Variants in LRRIQ1 observed in about 807,000 individuals in gnomAD.
The protein encoded by LRRIQ1 is leucine-rich repeat- and IQ domain-containing protein 1.
A neutral mutation model predicts 211.9 loss-of-function variants in LRRIQ1; 210 were observed. That is an observed-to-expected ratio of 0.99 (90% confidence interval 0.89 to 1.11). The LOEUF is 1.11. Ranked by LOEUF, LRRIQ1 falls within the 50% of genes most tolerant of loss-of-function variation. The pLI, the probability that LRRIQ1 is intolerant of heterozygous loss-of-function variation, is 0.00. For missense variants in LRRIQ1, 2,136 were observed against 1,939.5 expected, an observed-to-expected ratio of 1.10 and a Z score of -1.90; for synonymous variants, 699 against 650.1, an observed-to-expected ratio of 1.08 and a Z score of -1.14.
chr12:85,152,257 A>G lies in LRRIQ1; in HGVS notation c.4330-23A>G, dbSNP rs374536211. 6.2e-5 allele frequency: 98 copies of G among 1,579,638 alleles called. No homozygotes were observed. The African/African-American group carries it at 1.1e-3, about 18-fold the overall frequency. On this transcript the variant is annotated intron_variant, in intron 19 of 26. Coordinates refer to ENST00000393217, the MANE Select transcript of LRRIQ1 (RefSeq NM_001079910.2). The stretch of plus-strand genomic sequence containing the variant: ...AAAAGTTATGTAAGCTAAATTACAT[A>G]CATTTTAATATTATTTGTGCAGGCT...
At chr12:85,060,757 A>T (rs1881699625) in intron 8 of LRRIQ1, among the ~76,000 whole-genome samples, 1 of 151,946 alleles carries the variant, frequency 6.6e-6, no homozygotes. Flanking sequence ...TAAAAAAAAA[A>T]TAAAATAGAC....
At chr12:85,165,679 T>C (rs1891122770) in intron 24 of LRRIQ1, among the ~76,000 whole-genome samples, 1 of 152,080 alleles carries the variant, frequency 6.6e-6, no homozygotes. Flanking sequence ...TTCACCGTGT[T>C]GCCCAGGTTG....
intron 1 of LRRIQ1, chr12:85,262,907 C>A: frequency 1.0e-6 from 1 of 976,070 alleles, no homozygotes; most frequent in Non-Finnish European, 1.2e-6. Flanking sequence ...TTTAATATCA[C>A]TGTCTAGGTT....
chr12:85,073,359 T>C (rs1032170318), intron 11 of LRRIQ1, among the ~76,000 whole-genome samples: 1 of 152,066 alleles, frequency 6.6e-6, no homozygotes, highest in African/African-American at 2.4e-5. Flanking sequence ...TTCTTCCATA[T>C]GGAAATGCTG....
chr12:85,159,853 C>T (rs1301107820), intron 23 of LRRIQ1, among the ~76,000 whole-genome samples: 1 of 151,556 alleles, frequency 6.6e-6, no homozygotes, highest in African/African-American at 2.4e-5. Context: ...ATATTGAATT[C>T]ATAAGAAACA....
intron 19 of LRRIQ1, among the ~76,000 whole-genome samples, chr12:85,142,146 TC>T (rs1889587468): frequency 6.6e-6 from 1 of 151,552 alleles, no homozygotes; most frequent in Non-Finnish European, 1.5e-5. Flanking sequence ...CTTCCATAGT[TC>T]CTGTTGAAAA....
rs1183608809 is a variant in LRRIQ1 at position 85,055,747 on chromosome 12, A to C, written c.954A>C (p.Ala318=). The change falls in exon 8 of 27, where the codon GCA becomes GCC. Residue 318 remains alanine (A), a synonymous_variant. Coordinates refer to ENST00000393217, the MANE Select transcript of LRRIQ1 (RefSeq NM_001079910.2). ...AAATTGAAAGTAAGAAAAGGAAAGC[A>C]CAAGAGTGGAAGGAAAAGGAAGCAA... ...KEQIESKKRK[A]QEWKEKEAKI... is the part of the protein sequence containing the mutation. The C allele has an allele frequency of 6.2e-7, 1 of 1,610,624 alleles. No homozygotes were observed. The highest frequency in any genetic ancestry group is 2.2e-5 in the East Asian group (1 of 44,712).
intron 1 of LRRIQ1, among the ~76,000 whole-genome samples, chr12:85,251,777 C>CCA (rs1895950703): frequency 8.6e-6 from 1 of 116,932 alleles, no homozygotes; most frequent in African/African-American, 2.7e-5. Flanking sequence ...AGAAGTGGCG[C>CCA]AAAAAAAAAA....
Position 85,186,205 on chromosome 12 carries a change from A to G in LRRIQ1, c.4822+25491A>G, listed in dbSNP as rs189326067. On this transcript the variant is annotated intron_variant, in intron 24 of 26. Transcript: ENST00000393217. ...AGAAAGTTATAGTTATAAGATTAAA[A>G]ACTGTCAGGGATTAAGACTAGAATT... is the stretch of plus-strand genomic sequence containing the variant. 1.8e-4 allele frequency among the ~76,000 whole-genome samples: 27 copies of G among 152,294 alleles called. No homozygotes were observed. The East Asian group carries it at 5.0e-3, about 28-fold the overall frequency.
At chr12:85,195,411 T>C (rs982569572) in intron 24 of LRRIQ1, among the ~76,000 whole-genome samples, 40 of 151,768 alleles carry the variant, frequency 2.6e-4, no homozygotes, top group South Asian at 6.2e-4. Flanking sequence ...TGAACATTGA[T>C]GCAAAAATCC....
At chr12:85,132,251 A>G (rs1361519056) in intron 18 of LRRIQ1, among the ~76,000 whole-genome samples, 1 of 151,910 alleles carries the variant, frequency 6.6e-6, no homozygotes, top group Non-Finnish European at 1.5e-5. Flanking sequence ...AAAAGGGAGG[A>G]AGGTAGGTAA....
In LRRIQ1 at chr12:85,062,152, A is replaced by G. The variant is rs180993102; in HGVS notation, c.2392-3110A>G. The stretch of plus-strand genomic sequence containing the variant: ...CTTCCAATTTTAATATAATGTTTTT[A>G]TAATTTTAAGTATGGTATACACAAG... On this transcript the variant is annotated intron_variant, in intron 8 of 26. Transcript: ENST00000393217. 2.3e-3 allele frequency among the ~76,000 whole-genome samples: 342 copies of G among 151,986 alleles called. 3 individuals are homozygous for G. The highest frequency in any genetic ancestry group is 3.5e-3 in the Non-Finnish European group (237 of 67,848).
At chr12:85,258,319 A>G (rs1442132531) in intron 1 of LRRIQ1, among the ~76,000 whole-genome samples, 1 of 151,908 alleles carries the variant, frequency 6.6e-6, no homozygotes, top group Non-Finnish European at 1.5e-5. Flanking sequence ...AGTAAGAAGA[A>G]TAAATGTGTC....
chr12:85,102,942 G>T (rs1886461093), intron 13 of LRRIQ1, among the ~76,000 whole-genome samples: 2 of 57,122 alleles, frequency 3.5e-5, no homozygotes, highest in Non-Finnish European at 2.9e-5. Context: ...TTCTAATTGT[G>T]GCAAAAAAAA....
chr12:85,082,551 C>T (rs1452836756), intron 11 of LRRIQ1, among the ~76,000 whole-genome samples: 1 of 152,066 alleles, frequency 6.6e-6, no homozygotes, highest in Non-Finnish European at 1.5e-5. Flanking sequence ...ATATCCTTGA[C>T]TCTAGGCTTC....
chr12:85,122,576 T>C (rs917652689), intron 16 of LRRIQ1, among the ~76,000 whole-genome samples: 4 of 152,156 alleles, frequency 2.6e-5, no homozygotes, highest in South Asian at 2.1e-4. Flanking sequence ...TTCATTGCAA[T>C]TGGAAAAATA....
chr12:85,136,427 A>T (rs1471617497), intron 18 of LRRIQ1, among the ~76,000 whole-genome samples: 1 of 151,882 alleles, frequency 6.6e-6, no homozygotes, highest in East Asian at 1.9e-4. Flanking sequence ...AGAACATATT[A>T]TGTGATTGGT....
At chr12:85,269,060 A>T (rs1466265797), downstream of LRRIQ1, among the ~76,000 whole-genome samples, 1 of 152,028 alleles carries the variant, frequency 6.6e-6, no homozygotes, top group Non-Finnish European at 1.5e-5. Flanking sequence ...TACAGCCTAA[A>T]TAAATACCTG....
intron 13 of LRRIQ1, among the ~76,000 whole-genome samples, chr12:85,103,316 G>A (rs115280611): frequency 0.027 from 4,147 of 151,314 alleles, 185 homozygotes; most frequent in African/African-American, 0.095. Flanking sequence ...AAATATCAGT[G>A]TGTTTTGGCC....
Sources: gnomAD v4.1 joint callset for allele counts (sites outside exome capture counted in the v4.1 genomes callset) on GRCh38, gnomAD v4.1.1 for gene constraint, MANE v1.5 for transcripts, NCBI Gene and HGNC (gene_info 2026-07-23, HGNC 2026-07-21) for gene names.